Variants in CYP2C8 observed in about 807,000 individuals in gnomAD.
The protein encoded by CYP2C8 is cytochrome P450 family 2 subfamily C member 8.
A neutral mutation model predicts 41.3 loss-of-function variants in CYP2C8; 51 were observed. That is an observed-to-expected ratio of 1.24 (90% confidence interval 0.99 to 1.56). The LOEUF is 1.56. Ranked by LOEUF, CYP2C8 falls within the 40% of genes most tolerant of loss-of-function variation. CYP2C8 has a pLI of 0.00. For missense variants in CYP2C8, 651 were observed against 579.9 expected, an observed-to-expected ratio of 1.12 and a Z score of -1.26; for synonymous variants, 218 against 205.8, an observed-to-expected ratio of 1.06 and a Z score of -0.51.
At chr10:95,063,564 C>T (rs2033488030) in intron 4 of CYP2C8, among the ~76,000 whole-genome samples, 1 of 152,114 alleles carries the variant, frequency 6.6e-6, no homozygotes, top group Non-Finnish European at 1.5e-5. Context: ...AGGTTTTTAA[C>T]TTCTTTGCGA....
rs562868362 is a variant in CYP2C8 at position 95,062,591 on chromosome 10, T to C, written c.642+2209A>G. ...CACACTGATGGGTCTTGACTCTTTA[T>C]CCAGTTTCCCAGTCTGTGTCTTTTA... On this transcript the variant is annotated intron_variant, in intron 4 of 8. Coordinates refer to ENST00000371270, the MANE Select transcript of CYP2C8 (RefSeq NM_000770.3). Among the ~76,000 whole-genome samples the C allele has an allele frequency of 6.6e-5, 10 of 152,324 alleles. No individual in the cohort carries two copies. In the East Asian group the frequency reaches 1.7e-3, roughly 26 times the overall value.
intron 2 of CYP2C8, 36 bp downstream of exon 2, chr10:95,067,493 A>G: frequency 1.9e-6 from 3 of 1,614,014 alleles, no homozygotes; most frequent in African/African-American, 1.3e-5. Context: ...CCCTCACCCC[A>G]GTTACCAAAG....
rs750846477 is a variant in CYP2C8 at position 95,067,338 on chromosome 10, T to C, written c.351A>G (p.Gly117=). 1 of 1,612,332 alleles carries C rather than the reference T, an allele frequency of 6.2e-7. No individual in the cohort carries two copies. The highest frequency in any genetic ancestry group is 8.5e-7 in the Non-Finnish European group (1 of 1,179,866). The stretch of plus-strand genomic sequence containing the variant: ...AACGCCGGATCTCCTTCCATCTCTT[T>C]CCATTGCTGGAAATGATTCCTAATA... ...TKGLGIISSN[G]KRWKEIRRFS... The change falls in exon 3 of 9, where the codon GGA becomes GGG. Residue 117 remains glycine, a synonymous_variant. Coordinates refer to ENST00000371270, the MANE Select transcript of CYP2C8 (RefSeq NM_000770.3).
At position 95,069,245 on chromosome 10, in the gene CYP2C8, G is replaced by A; in HGVS notation, c.158C>T (p.Ser53Phe). The A allele has an allele frequency of 6.2e-7, 1 of 1,614,112 alleles. No homozygotes were observed. Among genetic ancestry groups the A allele is most frequent in the Middle Eastern group, 1.7e-4 (1 of 6,060 alleles). ...LQIDVKDICK[S>F]FTNFSKVYGP... ...ATAAGGCAGACTTACATTGGTGAAA[G>A]ATTTGCAGATGTCCTTAACATCTAT... Residue 53 changes from serine (S) to phenylalanine (F), a missense_variant, in exon 1 of 9, where the codon TCT (serine) becomes TTT (phenylalanine). Coordinates refer to ENST00000371270, the MANE Select transcript of CYP2C8 (RefSeq NM_000770.3).
intron 1 of CYP2C8, 124 bp downstream of exon 1, chr10:95,069,111 G>A (rs1238091755): frequency 9.2e-7 from 1 of 1,089,736 alleles, no homozygotes; most frequent in Non-Finnish European, 1.4e-6. Flanking sequence ...GAAGTTCAGA[G>A]GGAGTATTTT....
Position 95,036,929 on chromosome 10 carries a change from T to C in CYP2C8, c.*199A>G. On this transcript the variant is annotated 3_prime_UTR_variant, in exon 9 of 9. Transcript: ENST00000371270. ...GCATATGCAGCAATTAATACAAGTG[T>C]TACAGAGTATGAATAATTGCAGATA... 10 of 635,144 alleles carry C rather than the reference T, an allele frequency of 1.6e-5. 1 individual carries two copies. The South Asian group carries it at 1.6e-4, about 10-fold the overall frequency. The allele number at this position is 635,144 out of a possible 1,614,324, so 39.3% of individuals were successfully genotyped here.
chr10:95,066,140 G>C (rs1009696110), intron 3 of CYP2C8, among the ~76,000 whole-genome samples: 3 of 112,550 alleles, frequency 2.7e-5, no homozygotes, highest in Admixed American at 2.5e-4. Context: ...GAGAGAGAGA[G>C]AGAGAGAGAG....
intron 4 of CYP2C8, among the ~76,000 whole-genome samples, chr10:95,059,592 A>T (rs992007661): frequency 1.3e-5 from 2 of 152,050 alleles, no homozygotes; most frequent in Non-Finnish European, 2.9e-5. Context: ...ATTCTGTAGG[A>T]TGCCTATTCA....
At chr10:95,047,803 C>A (rs2033138566) in intron 5 of CYP2C8, among the ~76,000 whole-genome samples, 1 of 152,012 alleles carries the variant, frequency 6.6e-6, no homozygotes, top group Non-Finnish European at 1.5e-5. Context: ...AGAACTCCAC[C>A]CCCCTCAAAA....
At chr10:95,068,954 G>A (rs1038765485) in intron 1 of CYP2C8, among the ~76,000 whole-genome samples, 4 of 151,926 alleles carry the variant, frequency 2.6e-5, no homozygotes, top group South Asian at 2.1e-4. Flanking sequence ...CCAGTTACTC[G>A]GGGGAGGCTG....
intron 4 of CYP2C8, among the ~76,000 whole-genome samples, chr10:95,059,401 TG>T (rs1176976296): frequency 6.7e-6 from 1 of 148,630 alleles, no homozygotes; most frequent in Admixed American, 6.7e-5. Context: ...CCAGTGATGA[TG>T]AGCATTTTTT....
At chr10:95,063,083 A>C (rs899027236) in intron 4 of CYP2C8, among the ~76,000 whole-genome samples, 1 of 152,000 alleles carries the variant, frequency 6.6e-6, no homozygotes, top group African/African-American at 2.4e-5. Flanking sequence ...TTTTTCCTTC[A>C]TTTCAACTTT....
Position 95,058,408 on chromosome 10 carries a change from T to C in CYP2C8, c.746A>G (p.Lys249Arg). The C allele has an allele frequency of 6.2e-7, 1 of 1,613,552 alleles. No individual in the cohort carries two copies. The highest frequency in any genetic ancestry group is 8.5e-7 in the Non-Finnish European group (1 of 1,179,710). ...AACATCCAGTGATGCTTGGTGTTCT[T>C]TTACTTTCTCCCTAATGTAACTTCG... ...LTRSYIREKV[K>R]EHQASLDVNN... The change falls in exon 5 of 9, where the codon AAA (lysine) becomes AGA (arginine). Residue 249 changes from lysine (K) to arginine (R), a missense_variant. By Grantham distance (26) the Lys-to-Arg change is conservative (BLOSUM62 2). Coordinates refer to ENST00000371270, the MANE Select transcript of CYP2C8 (RefSeq NM_000770.3).
chr10:95,053,736 AG>A (rs2033256259), intron 5 of CYP2C8, among the ~76,000 whole-genome samples: 1 of 151,200 alleles, frequency 6.6e-6, no homozygotes, highest in Non-Finnish European at 1.5e-5. Context: ...GGACACAGGG[AG>A]GGAAACATGA....
At chr10:95,039,085 G>A (rs2134406097) in intron 7 of CYP2C8, 47 bp from the exon 8 acceptor site, 1 of 1,556,512 alleles carries the variant, frequency 6.4e-7, no homozygotes, top group East Asian at 2.2e-5. Flanking sequence ...AAGTCCAGAA[G>A]TGAGGAGAAG....
At chr10:95,046,024 C>T in intron 5 of CYP2C8, 73 bp from the exon 6 acceptor site, 1 of 1,554,116 alleles carries the variant, frequency 6.4e-7, no homozygotes, top group South Asian at 1.1e-5. Flanking sequence ...TTTTAAAAAA[C>T]ATACTATTTT....
At chr10:95,039,874 C>T (rs1370349088) in intron 7 of CYP2C8, among the ~76,000 whole-genome samples, 2 of 152,164 alleles carry the variant, frequency 1.3e-5, no homozygotes, top group African/African-American at 2.4e-5. Context: ...TTTAAAGCAC[C>T]TATGTAGTTT....
rs555552574 is a variant in CYP2C8, at chr10:95,061,339, G to A, written c.643-2828C>T. 1.8e-4 allele frequency among the ~76,000 whole-genome samples: 27 copies of A among 152,228 alleles called. No individual in the cohort carries two copies. In the East Asian group the frequency reaches 4.4e-3, roughly 25 times the overall value. On this transcript the variant is annotated intron_variant, in intron 4 of 8. Transcript: ENST00000371270. The stretch of plus-strand genomic sequence containing the variant: ...TCAGAGCCTGTTATTGGTCTATTCA[G>A]AGATTCAACTTCTTCCTGGTTTAGT...
intron 6 of CYP2C8, among the ~76,000 whole-genome samples, chr10:95,045,581 T>C (rs1235745251): frequency 2.0e-5 from 3 of 152,226 alleles, no homozygotes; most frequent in Non-Finnish European, 4.4e-5. Flanking sequence ...ACTTCATCAG[T>C]GCTTTACTTA....
Sources: gnomAD v4.1 joint callset for allele counts (sites outside exome capture counted in the v4.1 genomes callset) on GRCh38, gnomAD v4.1.1 for gene constraint, MANE v1.5 for transcripts, NCBI Gene and HGNC (gene_info 2026-07-23, HGNC 2026-07-21) for gene names.